The following GPHN variants were observed in gnomAD, a reference collection of about 807,000 sequenced individuals.
The protein encoded by GPHN is gephyrin.
A neutral mutation model predicts 95.5 loss-of-function variants in GPHN; 17 were observed. The ratio of observed to expected loss-of-function variants is 0.18; its 90% CI spans 0.12 to 0.27. GPHN has a LOEUF of 0.27. GPHN is among the 10% of genes least tolerant of loss of function. The pLI is 1.00. For synonymous variants in GPHN, 320 were observed against 322.5 expected, an observed-to-expected ratio of 0.99 and a Z score of 0.08; for missense variants, 660 against 978.1, an observed-to-expected ratio of 0.67 and a Z score of 4.34.
At chr14:67,645,396 C>T in the GPHN span, among the ~76,000 whole-genome samples, 1 of 152,038 alleles carries the variant, frequency 6.6e-6, no homozygotes, top group African/African-American at 2.4e-5. Flanking sequence ...GATTTGGGGA[C>T]AGGACAGCAG....
intron 1 of GPHN, among the ~76,000 whole-genome samples, chr14:66,578,654 G>GAA (rs574302625): frequency 0.14 from 8,311 of 59,420 alleles, 1,309 homozygotes; most frequent in East Asian, 0.42. Flanking sequence ...GGGATAGAGT[G>GAA]AAAAAAAAAA....
At chr14:67,632,982 G>A in the GPHN span, among the ~76,000 whole-genome samples, 2 of 151,416 alleles carry the variant, frequency 1.3e-5, no homozygotes, top group East Asian at 1.9e-4. Context: ...CACCACGCCC[G>A]GCTAATTTTT....
chr14:66,542,759 G>A (rs935345104), intron 1 of GPHN, among the ~76,000 whole-genome samples: 2 of 152,142 alleles, frequency 1.3e-5, no homozygotes, highest in African/African-American at 4.8e-5. Flanking sequence ...TCCTTGAAAG[G>A]ATTATCTGTG....
the GPHN span, among the ~76,000 whole-genome samples, chr14:67,593,020 T>C: frequency 6.6e-6 from 1 of 152,036 alleles, no homozygotes; most frequent in Non-Finnish European, 1.5e-5. Flanking sequence ...CTCCCGACCT[T>C]AGGTGATCCG....
chr14:67,231,933 T>G, the GPHN span, among the ~76,000 whole-genome samples: 1 of 150,396 alleles, frequency 6.6e-6, no homozygotes, highest in Non-Finnish European at 1.5e-5. Context: ...CATGCCACTG[T>G]ACTCCAGCCT....
intron 9 of GPHN, among the ~76,000 whole-genome samples, chr14:66,982,930 C>T (rs2070771187): frequency 6.6e-6 from 1 of 152,024 alleles, no homozygotes; most frequent in Non-Finnish European, 1.5e-5. Context: ...TTTGTGATTT[C>T]TTTTAAATTC....
chr14:67,326,473 A>G, the GPHN span, among the ~76,000 whole-genome samples: 1 of 151,820 alleles, frequency 6.6e-6, no homozygotes, highest in Non-Finnish European at 1.5e-5. Context: ...TGATTCTTTT[A>G]CTTTGCTGAA....
chr14:67,519,608 C>T, the GPHN span, among the ~76,000 whole-genome samples: 2 of 151,738 alleles, frequency 1.3e-5, no homozygotes, highest in East Asian at 1.9e-4. Flanking sequence ...ACTGTTACTA[C>T]AAGAAGGGAA....
chr14:67,435,178 G>T, the GPHN span, among the ~76,000 whole-genome samples: 1 of 152,012 alleles, frequency 6.6e-6, no homozygotes, highest in African/African-American at 2.4e-5. Flanking sequence ...AGTTGGCCAG[G>T]CTGGTCTCAA....
At chr14:66,687,337 T>G (rs1461467982) in intron 2 of GPHN, among the ~76,000 whole-genome samples, 1 of 152,162 alleles carries the variant, frequency 6.6e-6, no homozygotes, top group Admixed American at 6.5e-5. Context: ...TCAGGGTCTT[T>G]TATGGTTTCA....
intron 1 of GPHN, among the ~76,000 whole-genome samples, chr14:66,616,004 G>A (rs1325622776): frequency 4.0e-5 from 6 of 151,794 alleles, no homozygotes; most frequent in African/African-American, 1.5e-4. Flanking sequence ...GTTTTTGTCA[G>A]GTTTGTTGAA....
chr14:67,488,109 C>T, the GPHN span, among the ~76,000 whole-genome samples: 1 of 152,248 alleles, frequency 6.6e-6, no homozygotes, highest in Admixed American at 6.5e-5. Flanking sequence ...AGCCCAGCCA[C>T]TCAGAAGCTG....
the GPHN span, chr14:67,586,216 G>C: frequency 8.0e-7 from 1 of 1,252,370 alleles, no homozygotes; most frequent in African/African-American, 1.5e-5. Context: ...TAAAATTGTT[G>C]GTCTTGTCTG....
At chr14:67,709,424 C>A in the GPHN span, among the ~76,000 whole-genome samples, 121 of 152,284 alleles carry the variant, frequency 7.9e-4, 1 homozygote, top group African/African-American at 2.6e-3. Flanking sequence ...CTTTCATAAG[C>A]CTTTCATAAC....
intron 12 of GPHN, among the ~76,000 whole-genome samples, chr14:67,096,748 C>A (rs187136245): frequency 7.5e-6 from 1 of 132,898 alleles, no homozygotes; most frequent in African/African-American, 2.8e-5. Flanking sequence ...GTGCCTCAGC[C>A]TCCCAAGTAG....
chr14:66,531,706 A>G (rs909356287), intron 1 of GPHN, among the ~76,000 whole-genome samples: 2 of 152,244 alleles, frequency 1.3e-5, no homozygotes, highest in African/African-American at 4.8e-5. Context: ...TATGTAGTGT[A>G]TCATGTACTT....
At chr14:67,248,422 AG>A in the GPHN span, among the ~76,000 whole-genome samples, 1 of 152,204 alleles carries the variant, frequency 6.6e-6, no homozygotes, top group African/African-American at 2.4e-5. Context: ...AGTAGAGTCA[AG>A]GTATTCATTA....
intron 18 of GPHN, among the ~76,000 whole-genome samples, chr14:67,147,276 A>G (rs1022093704): frequency 6.6e-6 from 1 of 152,124 alleles, no homozygotes; most frequent in Non-Finnish European, 1.5e-5. Flanking sequence ...AGTGCCTATT[A>G]CTCTCCTTTT....
At chr14:67,212,988 G>A in the GPHN span, among the ~76,000 whole-genome samples, 1 of 151,620 alleles carries the variant, frequency 6.6e-6, no homozygotes. Flanking sequence ...AAATGAGGAC[G>A]CTGGACCAGC....
Sources: allele counts gnomAD v4.1 joint callset (sites outside exome capture counted in the v4.1 genomes callset), GRCh38; gene constraint gnomAD v4.1.1; transcripts MANE v1.5; gene names NCBI Gene and HGNC (gene_info 2026-07-23, HGNC 2026-07-21).